Variants in TINAG observed in about 807,000 individuals in gnomAD.
The protein encoded by TINAG is tubulointerstitial nephritis antigen.
Under a neutral mutation model 72.7 loss-of-function variants are expected in TINAG, and 83 were observed. That is an observed-to-expected ratio of 1.14 (90% CI 0.96 to 1.37). The LOEUF (loss-of-function observed/expected upper bound fraction) is 1.37. Ranked by LOEUF, TINAG falls within the 40% of genes most tolerant of loss-of-function variation. The pLI is 0.00. For synonymous variants in TINAG, 234 were observed against 189.9 expected (o/e 1.23, Z -1.91); for missense variants, 685 against 576.6 (o/e 1.19, Z -1.93).
chr6:54,376,630 G>A (rs1392575954), intron 9 of TINAG, among the ~76,000 whole-genome samples: 1 of 152,058 alleles, frequency 6.6e-6, no homozygotes, highest in African/African-American at 2.4e-5. Flanking sequence ...GCTTAGAAAA[G>A]TTTAGTGTTT....
chr6:54,337,740 TA>T (rs1784900722), intron 4 of TINAG, among the ~76,000 whole-genome samples: 1 of 152,136 alleles, frequency 6.6e-6, no homozygotes, highest in Non-Finnish European at 1.5e-5. Flanking sequence ...ATTTTCTCCA[TA>T]AAATTCGTGT....
At chr6:54,321,163 A>C (rs1325616162) in intron 2 of TINAG, 134 bp from the exon 3 acceptor site, 2 of 723,120 alleles carry the variant, frequency 2.8e-6, no homozygotes, top group East Asian at 2.7e-5. Flanking sequence ...ATTTTTGCCA[A>C]GAATCAAATA....
At chr6:54,328,743 A>G (rs761861818) in intron 4 of TINAG, among the ~76,000 whole-genome samples, 1 of 151,970 alleles carries the variant, frequency 6.6e-6, no homozygotes, top group Non-Finnish European at 1.5e-5. Flanking sequence ...TACAGGAACT[A>G]CTAACCAGAA....
At chr6:54,310,583 CTTCT>C (rs371951227) in intron 1 of TINAG, among the ~76,000 whole-genome samples, 12 of 141,806 alleles carry the variant, frequency 8.5e-5, no homozygotes, top group South Asian at 4.6e-4. Context: ...TCTTTCTTCT[CTTCT>C]TTCTTTCTTT....
chr6:54,365,107 T>C (rs1339256500), intron 9 of TINAG, among the ~76,000 whole-genome samples: 1 of 151,576 alleles, frequency 6.6e-6, no homozygotes, highest in Non-Finnish European at 1.5e-5. Flanking sequence ...GCAGATGTTT[T>C]AATTAGAGGT....
At chr6:54,389,066 T>C (rs1332176221) in intron 10 of TINAG, among the ~76,000 whole-genome samples, 2 of 152,178 alleles carry the variant, frequency 1.3e-5, no homozygotes, top group African/African-American at 4.8e-5. Flanking sequence ...TTTCTCATTA[T>C]GGATGTTCTT....
Position 54,387,426 on chromosome 6 carries a change from G to T in TINAG, c.1297-2365G>T, listed in dbSNP as rs115822694. ...TAAGATGAATTAATTGCTTACATAT[G>T]CCAAACATAGATGAATCCCAGAAAC... On this transcript the variant is annotated intron_variant, in intron 10 of 10. Coordinates refer to ENST00000259782, the MANE Select transcript of TINAG (RefSeq NM_014464.4). Among the ~76,000 whole-genome samples, 1,110 of 152,082 alleles carry T rather than the reference G, an allele frequency of 7.3e-3. 15 individuals are homozygous for T. Among genetic ancestry groups the T allele is most frequent in the African/African-American group, 0.025 (1,055 of 41,492 alleles).
At chr6:54,320,689 G>A in intron 2 of TINAG, 47 bp downstream of exon 2, 1 of 1,442,330 alleles carries the variant, frequency 6.9e-7, no homozygotes, top group Non-Finnish European at 9.5e-7. Flanking sequence ...GTGTGTGTAT[G>A]TTTTCTTCAA....
At chr6:54,311,746 C>T (rs749599920) in intron 1 of TINAG, among the ~76,000 whole-genome samples, 24 of 152,084 alleles carry the variant, frequency 1.6e-4, no homozygotes, top group Non-Finnish European at 2.1e-4. Flanking sequence ...CTTATTCACC[C>T]CCCTTTTTTG....
At chr6:54,384,325 A>G (rs1279917122) in intron 10 of TINAG, among the ~76,000 whole-genome samples, 1 of 152,184 alleles carries the variant, frequency 6.6e-6, no homozygotes, top group Non-Finnish European at 1.5e-5. Context: ...CATGTTCTGC[A>G]CATGTACCCC....
chr6:54,314,951 A>G (rs1225528530), intron 1 of TINAG, among the ~76,000 whole-genome samples: 1 of 152,192 alleles, frequency 6.6e-6, no homozygotes, highest in South Asian at 2.1e-4. Context: ...ACATTAGACT[A>G]TAAATGCTCC....
At chr6:54,343,793 C>A (rs9296753) in intron 5 of TINAG, among the ~76,000 whole-genome samples, 1,620 of 151,776 alleles carry the variant, frequency 0.011, 26 homozygotes, top group African/African-American at 0.037. Flanking sequence ...GACTTTAAAC[C>A]TAAATAATAA....
chr6:54,323,349 A>G (rs1260069371), intron 3 of TINAG, among the ~76,000 whole-genome samples: 1 of 152,236 alleles, frequency 6.6e-6, no homozygotes, highest in Non-Finnish European at 1.5e-5. Context: ...GGAAGTCTTT[A>G]AATTTAAAAG....
At chr6:54,339,590 C>T (rs1280242024) in intron 4 of TINAG, among the ~76,000 whole-genome samples, 1 of 152,042 alleles carries the variant, frequency 6.6e-6, no homozygotes, top group Non-Finnish European at 1.5e-5. Context: ...AATTACATTA[C>T]ATATTGATCT....
chr6:54,361,974 T>C (rs1049570165), intron 9 of TINAG, among the ~76,000 whole-genome samples: 1 of 151,588 alleles, frequency 6.6e-6, no homozygotes, highest in African/African-American at 2.4e-5. Flanking sequence ...CAAAGGTGAG[T>C]AAGCTGCTGA....
chr6:54,344,820 T>C (rs1468517733), intron 5 of TINAG, among the ~76,000 whole-genome samples: 2 of 152,084 alleles, frequency 1.3e-5, no homozygotes, highest in African/African-American at 4.8e-5. Flanking sequence ...TAGTTTTGTA[T>C]CCTGTGAATT....
intron 4 of TINAG, among the ~76,000 whole-genome samples, chr6:54,330,694 C>T (rs973046312): frequency 1.3e-5 from 2 of 151,970 alleles, no homozygotes; most frequent in African/African-American, 4.8e-5. Context: ...ATTAACAAAA[C>T]AGATAGACCG....
intron 3 of TINAG, among the ~76,000 whole-genome samples, chr6:54,322,200 C>T (rs1453975916): frequency 2.0e-5 from 3 of 152,056 alleles, no homozygotes; most frequent in East Asian, 1.9e-4. Flanking sequence ...CCCAGGTACT[C>T]AGGAGGCTGA....
intron 9 of TINAG, among the ~76,000 whole-genome samples, chr6:54,366,092 C>T (rs900105677): frequency 3.3e-5 from 5 of 151,580 alleles, no homozygotes; most frequent in African/African-American, 7.3e-5. Flanking sequence ...AGAACTCTCA[C>T]GAAATACAAC....
Sources: gnomAD v4.1 joint callset for allele counts (sites outside exome capture counted in the v4.1 genomes callset) on GRCh38, gnomAD v4.1.1 for gene constraint, MANE v1.5 for transcripts, NCBI Gene and HGNC (gene_info 2026-07-23, HGNC 2026-07-21) for gene names.